The following UGT1A4 variants were observed in gnomAD, a reference collection of about 807,000 sequenced individuals.
UGT1A4 encodes the protein UDP-glucuronosyltransferase 1A4.
Under a neutral mutation model 41.1 loss-of-function variants are expected in UGT1A4, and 32 were observed. That is an observed-to-expected ratio of 0.78 (90% CI 0.59 to 1.05). The LOEUF (loss-of-function observed/expected upper bound fraction) is 1.05, where lower values mean the gene tolerates loss of function less well. UGT1A4 is among the 50% of genes least tolerant of loss of function. The pLI is 0.00. For synonymous variants in UGT1A4, 283 were observed against 265.1 expected, an observed-to-expected ratio of 1.07 and a Z score of -0.66; for missense variants, 748 against 677.4, an observed-to-expected ratio of 1.10 and a Z score of -1.16.
rs192933567 is a variant in UGT1A4, at chr2:233,772,247, T to G, written c.1308-15T>G. On this transcript the variant is annotated splice_polypyrimidine_tract_variant and intron_variant, in intron 4 of 4. Transcript: ENST00000373409. ...ACAGGTGTTCCAGGCATAACGAAAC[T>G]GTCTTTGTGTTTAGTTACAAGGAGA... The G allele has an allele frequency of 2.9e-5, 47 of 1,614,208 alleles. No homozygotes were observed. The East Asian group carries it at 1.0e-3, about 35-fold the overall frequency.
At chr2:233,760,776 C>T in intron 1 of UGT1A4, 1 of 1,613,940 alleles carries the variant, frequency 6.2e-7, no homozygotes, top group Non-Finnish European at 8.5e-7. Flanking sequence ...TGGCCCAGTA[C>T]CTGTCTCTGC....
rs143900667 is a variant in UGT1A4 at position 233,718,979 on chromosome 2, C to T, written c.159C>T (p.Ala53=). ...SMREALRELH[A]RGHQAVVLTP... ...GGGAGGCCTTGCGGGAGCTCCATGC[C>T]AGAGGCCACCAGGCGGTGGTCCTCA... Residue 53 remains alanine, a synonymous_variant, in exon 1 of 5, where the codon GCC becomes GCT. Coordinates refer to ENST00000373409, the MANE Select transcript of UGT1A4 (RefSeq NM_007120.3). The T allele has an allele frequency of 2.4e-5, 39 of 1,614,108 alleles. No individual in the cohort carries two copies. The highest frequency in any genetic ancestry group is 3.2e-5 in the Non-Finnish European group (38 of 1,180,054).
chr2:233,732,649 T>A (rs1277173996), intron 1 of UGT1A4, among the ~76,000 whole-genome samples: 1 of 152,232 alleles, frequency 6.6e-6, no homozygotes, highest in Admixed American at 6.5e-5. Context: ...ACCACTGTTC[T>A]GCTCCATTGG....
At chr2:233,757,269 G>C (rs1302149472) in intron 1 of UGT1A4, among the ~76,000 whole-genome samples, 1 of 127,616 alleles carries the variant, frequency 7.8e-6, no homozygotes, top group African/African-American at 2.9e-5. Context: ...GGCAGCCGAT[G>C]CAATGATTCA....
At chr2:233,731,565 G>A (rs1168065167) in intron 1 of UGT1A4, among the ~76,000 whole-genome samples, 1 of 152,192 alleles carries the variant, frequency 6.6e-6, no homozygotes, top group African/African-American at 2.4e-5. Context: ...ATAGTTTGCT[G>A]AGAATGATGG....
Position 233,729,793 on chromosome 2 carries a change from A to C in UGT1A4, c.867+10106A>C, listed in dbSNP as rs145403444. 3.6e-5 allele frequency: 58 copies of C among 1,613,368 alleles called. No homozygotes were observed. The African/African-American group carries it at 3.9e-4, about 11-fold the overall frequency. ...GCTCTACCCTCTGGCCCTGTCCTAC[A>C]TTTGCCATGCTTTTTCTGCTCCTTA... On this transcript the variant is annotated intron_variant, in intron 1 of 4. Transcript: ENST00000373409.
intron 1 of UGT1A4, among the ~76,000 whole-genome samples, chr2:233,764,010 C>T (rs956490955): frequency 8.5e-5 from 13 of 152,216 alleles, no homozygotes; most frequent in Admixed American, 5.2e-4. Context: ...CACAGATGAC[C>T]CACATGGTGT....
chr2:233,726,566 C>G (rs772348074), intron 1 of UGT1A4, among the ~76,000 whole-genome samples: 4 of 152,178 alleles, frequency 2.6e-5, no homozygotes, highest in African/African-American at 2.4e-5. Flanking sequence ...CCCACTCTTA[C>G]GCCTGTCTCC....
chr2:233,746,532 C>T (rs1693419043), intron 1 of UGT1A4, among the ~76,000 whole-genome samples: 1 of 151,756 alleles, frequency 6.6e-6, no homozygotes, highest in South Asian at 2.1e-4. Context: ...CATATTGCTG[C>T]CCTGCTGTGT....
chr2:233,770,662 A>G (rs1700129154), intron 4 of UGT1A4: 1 of 140,356 alleles, frequency 7.1e-6, no homozygotes, highest in Non-Finnish European at 1.6e-5. Context: ...CGTCTTACTT[A>G]AAAAAAAAAA....
At chr2:233,748,267 A>G (rs762493954) in intron 1 of UGT1A4, among the ~76,000 whole-genome samples, 2 of 151,794 alleles carry the variant, frequency 1.3e-5, no homozygotes, top group Non-Finnish European at 2.9e-5. Context: ...TAAATGGTCA[A>G]TGAGAGGAAG....
chr2:233,722,716 GT>G (rs1305467466), intron 1 of UGT1A4, among the ~76,000 whole-genome samples: 12 of 151,988 alleles, frequency 7.9e-5, no homozygotes, highest in Non-Finnish European at 1.5e-5. Flanking sequence ...TTAAATATCA[GT>G]TTTTAAATTT....
At position 233,772,831 on chromosome 2, in the gene UGT1A4, T is replaced by TCACACAAGAAAGCCAGCAAGGAAG; in HGVS notation, c.*273_*274insACACAAGAAAGCCAGCAAGGAAGC. 1 of 893,952 alleles carries TCACACAAGAAAGCCAGCAAGGAAG rather than the reference T, an allele frequency of 1.1e-6. No homozygotes were observed. The highest frequency in any genetic ancestry group is 1.6e-6 in the Non-Finnish European group (1 of 642,656). 55.4% of individuals were successfully genotyped at this position (893,952 alleles called of 1,614,324 possible). A position where few individuals can be genotyped will look rare whatever the true frequency, so the allele number is the denominator to read the frequency against. On this transcript the variant is annotated 3_prime_UTR_variant, in exon 5 of 5. Coordinates refer to ENST00000373409, the MANE Select transcript of UGT1A4 (RefSeq NM_007120.3). ...AGAGGACGTGCAGACAGGCTGGCATTCTAGATTACTTTTCTTACTCTGAAA... is the reference window on the plus strand; with the variant it reads ...AGAGGACGTGCAGACAGGCTGGCATTCACACAAGAAAGCCAGCAAGGAAGCTAGATTACTTTTCTTACTCTGAAA...
intron 1 of UGT1A4, among the ~76,000 whole-genome samples, chr2:233,731,855 G>T (rs1025455629): frequency 1.3e-5 from 2 of 152,138 alleles, no homozygotes; most frequent in African/African-American, 4.8e-5. Flanking sequence ...TTGAGGAATC[G>T]CCACACTGTC....
chr2:233,753,648 C>T (rs1051556706), intron 1 of UGT1A4: 5 of 152,204 alleles, frequency 3.3e-5, no homozygotes, highest in Non-Finnish European at 5.9e-5. Context: ...CACAAAGGTA[C>T]TTTCTCAATT....
chr2:233,734,953 A>G (rs2078590545), intron 1 of UGT1A4, among the ~76,000 whole-genome samples: 1 of 152,320 alleles, frequency 6.6e-6, no homozygotes, highest in African/African-American at 2.4e-5. Context: ...CAGTTTTAGA[A>G]TAAGTGTGAT....
chr2:233,766,893 T>C (rs1364703426), intron 1 of UGT1A4, 141 bp from the exon 2 acceptor site: 21 of 1,472,754 alleles, frequency 1.4e-5, no homozygotes. Flanking sequence ...AACTTACATA[T>C]TAATAATTTT....
rs1354115874 is a variant in UGT1A4 at position 233,743,513 on chromosome 2, T to A, written c.868-23521T>A. 4 of 1,367,280 alleles carry A rather than the reference T, an allele frequency of 2.9e-6. No homozygotes were observed. In the South Asian group the frequency reaches 3.4e-5, roughly 12 times the overall value. The allele number at this position is 1,367,280 out of a possible 1,614,324, so 84.7% of individuals were successfully genotyped here. ...GCAGAGAAAAGGGGTGCAGACGCTC[T>A]GCTTCTGCTTCCCCAGCAGTTCCTC... On this transcript the variant is annotated intron_variant, in intron 1 of 4. Transcript: ENST00000373409.
At chr2:233,756,158 TC>T (rs1469435732) in intron 1 of UGT1A4, 1 of 152,264 alleles carries the variant, frequency 6.6e-6, no homozygotes, top group Non-Finnish European at 1.5e-5. Flanking sequence ...CCCTAGGATT[TC>T]CTGGCTCATA....
Sources: allele counts gnomAD v4.1 joint callset (sites outside exome capture counted in the v4.1 genomes callset), GRCh38; gene constraint gnomAD v4.1.1; transcripts MANE v1.5; gene names NCBI Gene and HGNC (gene_info 2026-07-23, HGNC 2026-07-21).